Variants in VAV2 observed in about 807,000 individuals in gnomAD.
VAV2 encodes the protein vav guanine nucleotide exchange factor 2.
A neutral mutation model predicts 132.5 loss-of-function variants in VAV2; 67 were observed. That is an observed-to-expected ratio of 0.51 (90% CI 0.42 to 0.62). VAV2 has a LOEUF of 0.62. VAV2 is among the 20% of genes least tolerant of loss of function. The pLI is 0.00. For synonymous variants in VAV2, 492 were observed against 443.5 expected (o/e 1.11, Z -1.37); for missense variants, 938 against 1,153.6 (o/e 0.81, Z 2.71).
chr9:133,790,267 C>T (rs904464258), intron 13 of VAV2, among the ~76,000 whole-genome samples: 2 of 152,212 alleles, frequency 1.3e-5, no homozygotes, highest in African/African-American at 4.8e-5. Context: ...ACCTCTGCCT[C>T]CCGGGTTCAA....
At chr9:133,809,737 A>G (rs953151431) in intron 6 of VAV2, among the ~76,000 whole-genome samples, 4 of 152,168 alleles carry the variant, frequency 2.6e-5, no homozygotes, top group Non-Finnish European at 5.9e-5. Flanking sequence ...CTCTGGTGGA[A>G]TGTGGCCGGG....
At chr9:133,779,788 G>A in intron 21 of VAV2, 130 bp downstream of exon 21, 5 of 1,269,460 alleles carry the variant, frequency 3.9e-6, no homozygotes, top group Non-Finnish European at 5.4e-6. Context: ...GGCCCAGATG[G>A]CAGCATCCAG....
intron 2 of VAV2, among the ~76,000 whole-genome samples, chr9:133,881,999 G>C (rs1373308615): frequency 6.6e-6 from 1 of 152,170 alleles, no homozygotes; most frequent in African/African-American, 2.4e-5. Context: ...GGGCGTCAAG[G>C]TTTCAACCTA....
intron 1 of VAV2, among the ~76,000 whole-genome samples, chr9:133,944,208 C>G (rs1357327137): frequency 6.6e-6 from 1 of 152,186 alleles, no homozygotes; most frequent in Non-Finnish European, 1.5e-5. Context: ...CGGCAGCCCA[C>G]CGAGAGCAGG....
intron 2 of VAV2, among the ~76,000 whole-genome samples, chr9:133,899,609 C>G (rs1420461071): frequency 2.7e-5 from 4 of 150,688 alleles, no homozygotes; most frequent in Non-Finnish European, 5.9e-5. Context: ...CGCGTTTCAC[C>G]ACGTTGACTA....
At chr9:133,964,774 T>C (rs1177111521) in intron 1 of VAV2, among the ~76,000 whole-genome samples, 1 of 152,196 alleles carries the variant, frequency 6.6e-6, no homozygotes, top group Non-Finnish European at 1.5e-5. Flanking sequence ...TTCAATATCA[T>C]TTTGGGATAA....
chr9:133,796,182 C>T (rs1044705919), intron 11 of VAV2, among the ~76,000 whole-genome samples: 4 of 152,164 alleles, frequency 2.6e-5, no homozygotes, highest in Non-Finnish European at 5.9e-5. Flanking sequence ...GGTGTGAGGA[C>T]GCTTTTCTGT....
chr9:133,859,574 A>C (rs1837515948), intron 3 of VAV2, among the ~76,000 whole-genome samples: 4 of 152,236 alleles, frequency 2.6e-5, no homozygotes. Flanking sequence ...GGAGCAATTA[A>C]AATGACTGAT....
At chr9:133,853,552 T>C (rs76150507) in intron 3 of VAV2, among the ~76,000 whole-genome samples, 1,951 of 152,132 alleles carry the variant, frequency 0.013, 36 homozygotes, top group African/African-American at 0.044. Flanking sequence ...CCCAAAAGGC[T>C]AGAGCGGGGC....
chr9:133,913,399 G>A (rs979014577), intron 2 of VAV2, among the ~76,000 whole-genome samples: 1 of 152,252 alleles, frequency 6.6e-6, no homozygotes, highest in African/African-American at 2.4e-5. Flanking sequence ...CCAGCGAGAA[G>A]AAGAAACCAA....
At chr9:133,889,174 G>A (rs920739851) in intron 2 of VAV2, among the ~76,000 whole-genome samples, 3 of 152,162 alleles carry the variant, frequency 2.0e-5, no homozygotes, top group East Asian at 1.9e-4. Flanking sequence ...GCTTGGGGTC[G>A]GATACCAGAT....
intron 21 of VAV2, 120 bp downstream of exon 21, chr9:133,779,798 G>A: frequency 7.3e-7 from 1 of 1,377,102 alleles, no homozygotes; most frequent in South Asian, 1.4e-5. Context: ...GCAGCATCCA[G>A]GAGCCTGGAG....
intron 13 of VAV2, 26 bp downstream of exon 13, chr9:133,791,757 T>C: frequency 1.2e-6 from 2 of 1,603,432 alleles, no homozygotes; most frequent in Non-Finnish European, 1.7e-6. Context: ...CGACCTTCCC[T>C]AGCCTGAAGA....
chr9:133,767,566 C>T (rs1833478152), intron 29 of VAV2, among the ~76,000 whole-genome samples: 1 of 152,188 alleles, frequency 6.6e-6, no homozygotes, highest in Non-Finnish European at 1.5e-5. Flanking sequence ...CCAGTGGTCC[C>T]AGCCCCCTAG....
chr9:133,770,585 T>C (rs1435567614), intron 26 of VAV2, 84 bp from the exon 27 acceptor site: 21 of 1,569,866 alleles, frequency 1.3e-5, no homozygotes, highest in Non-Finnish European at 1.7e-5. Flanking sequence ...CTCCCACCTC[T>C]TGGTTCATGT....
At chr9:133,780,278 GT>G (rs1833962265) in intron 20 of VAV2, among the ~76,000 whole-genome samples, 1 of 152,208 alleles carries the variant, frequency 6.6e-6, no homozygotes, top group Non-Finnish European at 1.5e-5. Flanking sequence ...ATACGACTAA[GT>G]TTCCATCCTC....
rs186643129 is a variant in VAV2, at chr9:133,798,601, G to A, written c.837-792C>T. 5.9e-5 allele frequency among the ~76,000 whole-genome samples: 9 copies of A among 152,276 alleles called. No homozygotes were observed. In the East Asian group the frequency reaches 1.5e-3, roughly 26 times the overall value. ...GGAGCCTCAGGGTCTTAGGTTACCA[G>A]CCTGAAACTTCATCTTTAAAACCCC... On this transcript the variant is annotated intron_variant, in intron 9 of 29. Transcript: ENST00000371850.
In VAV2 at chr9:133,950,084, G is replaced by A. The variant is rs559900910; in HGVS notation, c.205-10865C>T. On this transcript the variant is annotated intron_variant, in intron 1 of 29. Transcript: ENST00000371850. Reference sequence around the variant, plus strand: ...GTCCACAGCCCCTGAGCCATGAGGAGTGGGTTCTCAAAGGCTGAAAAGTCA... The same window carrying A: ...GTCCACAGCCCCTGAGCCATGAGGAATGGGTTCTCAAAGGCTGAAAAGTCA... Among the ~76,000 whole-genome samples the A allele has an allele frequency of 3.3e-5, 5 of 152,338 alleles. No homozygotes were observed. In the East Asian group the frequency reaches 7.7e-4, roughly 24 times the overall value.
chr9:133,943,962 C>T (rs765639564), intron 1 of VAV2, among the ~76,000 whole-genome samples: 1 of 152,228 alleles, frequency 6.6e-6, no homozygotes, highest in Admixed American at 6.5e-5. Flanking sequence ...TCTTGCAAGG[C>T]GCCAGGGCGG....
Sources: gnomAD v4.1 joint callset for allele counts (sites outside exome capture counted in the v4.1 genomes callset) on GRCh38, gnomAD v4.1.1 for gene constraint, MANE v1.5 for transcripts, NCBI Gene and HGNC (gene_info 2026-07-23, HGNC 2026-07-21) for gene names.